MYO3A: variants seen among roughly 807,000 people sequenced by gnomAD.
The protein encoded by MYO3A is myosin-IIIa.
A neutral mutation model predicts 192.7 loss-of-function variants in MYO3A; 180 were observed. The observed-to-expected ratio is 0.93, with a 90% CI of 0.83 to 1.06. The LOEUF (loss-of-function observed/expected upper bound fraction) is 1.06. MYO3A is among the 50% of genes least tolerant of loss of function. The pLI is 0.00. For synonymous variants in MYO3A, 628 were observed against 645.3 expected, an observed-to-expected ratio of 0.97 and a Z score of 0.41; for missense variants, 1,896 against 1,905.0, an observed-to-expected ratio of 1.00 and a Z score of 0.09.
intron 34 of MYO3A, among the ~76,000 whole-genome samples, chr10:26,207,740 T>C (rs1239439697): frequency 1.5e-3 from 1 of 662 alleles, no homozygotes; most frequent in Non-Finnish European, 2.7e-3. Flanking sequence ...TTGCTCAAGA[T>C]AGCTTTGACT....
chr10:25,944,429 G>A (rs1279534874), intron 2 of MYO3A, among the ~76,000 whole-genome samples: 1 of 151,964 alleles, frequency 6.6e-6, no homozygotes, highest in Non-Finnish European at 1.5e-5. Flanking sequence ...GTTAGGAAGT[G>A]TGCCCTCTTT....
At chr10:26,034,816 G>A (rs922625585) in intron 10 of MYO3A, among the ~76,000 whole-genome samples, 3 of 151,562 alleles carry the variant, frequency 2.0e-5, no homozygotes, top group Non-Finnish European at 2.9e-5. Flanking sequence ...ACGGGCTAGT[G>A]TCTGGATATT....
Position 26,211,890 on chromosome 10 carries a change from C to T in MYO3A, c.4778C>T (p.Ala1593Val), listed in dbSNP as rs754851230. Residue 1593 changes from alanine to valine, a missense_variant, in exon 35 of 35, where the codon GCA (alanine) becomes GTA (valine). Ala to Val is a moderately conservative substitution (Grantham distance 64). Coordinates refer to ENST00000642920, the MANE Select transcript of MYO3A (RefSeq NM_017433.5). ...SPEKEEEREP[A>V]ANPYDFRRLL... is the part of the protein sequence containing the mutation. ...GAGAAGGAGGAGGAGAGAGAGCCAGCAGCCAACCCCTACGACTTCAGGAGG... is the reference window on the plus strand; with the variant it reads ...GAGAAGGAGGAGGAGAGAGAGCCAGTAGCCAACCCCTACGACTTCAGGAGG... The T allele has an allele frequency of 2.5e-6, 4 of 1,614,102 alleles. No homozygotes were observed. The highest frequency in any genetic ancestry group is 1.1e-5 in the South Asian group (1 of 91,028).
chr10:25,977,355 A>C (rs1839021935), intron 4 of MYO3A, among the ~76,000 whole-genome samples: 1 of 152,204 alleles, frequency 6.6e-6, no homozygotes, highest in African/African-American at 2.4e-5. Context: ...ACAGAGAAAT[A>C]AATTCCTTGT....
rs760646949 is a variant in MYO3A at position 26,070,343 on chromosome 10, G to T, written c.1301G>T (p.Gly434Val). ...DQCIVISGES[G>V]AGKTENAHLL... ...TGCATTGTTATTTCTGGAGAAAGTG[G>T]TGCTGGAAAGACTGAAAATGCTCAT... is the stretch of plus-strand genomic sequence containing the variant. Residue 434 changes from glycine (G) to valine (V), a missense_variant, in exon 14 of 35, where the codon GGT (glycine) becomes GTT (valine). By Grantham distance (109) the Gly-to-Val change is moderately radical (BLOSUM62 -3). Coordinates refer to ENST00000642920, the MANE Select transcript of MYO3A (RefSeq NM_017433.5). The T allele has an allele frequency of 1.2e-6, 2 of 1,613,312 alleles. No homozygotes were observed. The highest frequency in any genetic ancestry group is 4.5e-5 in the East Asian group (2 of 44,792).
At chr10:26,163,695 AG>A (rs1294067299) in intron 26 of MYO3A, among the ~76,000 whole-genome samples, 3 of 152,188 alleles carry the variant, frequency 2.0e-5, no homozygotes, top group South Asian at 2.1e-4. Context: ...AAAGTTAACC[AG>A]GTGGGCATGT....
chr10:26,023,024 C>G (rs561016620), intron 8 of MYO3A: 1 of 152,214 alleles, frequency 6.6e-6, no homozygotes, highest in African/African-American at 2.4e-5. Context: ...TCAAAGCAAG[C>G]CAATAAATCT....
At chr10:26,191,671 G>A (rs1843134753) in intron 31 of MYO3A, among the ~76,000 whole-genome samples, 1 of 152,190 alleles carries the variant, frequency 6.6e-6, no homozygotes, top group Admixed American at 6.5e-5. Flanking sequence ...GCTGGATAAT[G>A]TCAGAATATG....
Position 26,081,196 on chromosome 10 carries a change from C to G in MYO3A, c.1360-7007C>G, listed in dbSNP as rs1218078966. ...AAGGACCGTCAGGCGGGGGCAGGGC[C>G]AGGTGTGTCTGAGTTCAGACTCTCC... On this transcript the variant is annotated intron_variant, in intron 14 of 34. Coordinates refer to ENST00000642920, the MANE Select transcript of MYO3A (RefSeq NM_017433.5). 2.8e-5 allele frequency among the ~76,000 whole-genome samples: 4 copies of G among 141,366 alleles called. No individual in the cohort carries two copies. In the Admixed American group the frequency reaches 3.0e-4, roughly 10 times the overall value. 92.7% of individuals were successfully genotyped at this position (141,366 alleles called of 152,430 possible).
intron 15 of MYO3A, among the ~76,000 whole-genome samples, chr10:26,090,601 C>T (rs1296434860): frequency 6.6e-6 from 1 of 151,998 alleles, no homozygotes; most frequent in African/African-American, 2.4e-5. Context: ...TTTCTTTCAC[C>T]TAATTTAATT....
intron 2 of MYO3A, among the ~76,000 whole-genome samples, chr10:25,943,023 C>T (rs1012512513): frequency 6.6e-6 from 1 of 151,632 alleles, no homozygotes; most frequent in Non-Finnish European, 1.5e-5. Flanking sequence ...ATTGCCAAAT[C>T]CATTTTCATG....
intron 14 of MYO3A, among the ~76,000 whole-genome samples, chr10:26,084,805 C>T (rs557012046): frequency 6.6e-6 from 1 of 152,230 alleles, no homozygotes; most frequent in Non-Finnish European, 1.5e-5. Flanking sequence ...TATGCCTGGC[C>T]TAGCTCTACT....
chr10:26,119,995 A>T (rs1838755821), intron 17 of MYO3A, among the ~76,000 whole-genome samples: 1 of 130,862 alleles, frequency 7.6e-6, no homozygotes, highest in Non-Finnish European at 1.7e-5. Flanking sequence ...GTCTCTATAA[A>T]ATACCAAAAA....
At chr10:26,031,763 G>A (rs1004716669) in intron 10 of MYO3A, among the ~76,000 whole-genome samples, 5 of 152,212 alleles carry the variant, frequency 3.3e-5, no homozygotes, top group Non-Finnish European at 7.3e-5. Context: ...CTCCTGAGTA[G>A]CTGAGCTTAC....
intron 27 of MYO3A, among the ~76,000 whole-genome samples, 166 bp from the exon 28 acceptor site, chr10:26,168,546 G>A (rs1841878944): frequency 6.6e-6 from 1 of 152,078 alleles, no homozygotes; most frequent in Non-Finnish European, 1.5e-5. Flanking sequence ...TTTTCTTCAA[G>A]CATAAAAATC....
intron 17 of MYO3A, among the ~76,000 whole-genome samples, chr10:26,110,023 G>A (rs1193080528): frequency 6.6e-6 from 1 of 152,150 alleles, no homozygotes; most frequent in Non-Finnish European, 1.5e-5. Flanking sequence ...CAACAAGAAA[G>A]TTGTACTCTA....
chr10:26,018,656 T>G (rs184342925), intron 7 of MYO3A, among the ~76,000 whole-genome samples: 1 of 152,306 alleles, frequency 6.6e-6, no homozygotes, highest in African/African-American at 2.4e-5. Flanking sequence ...AATTAGCGAC[T>G]GTAGTAGGTG....
At chr10:26,087,538 C>T (rs1836412060) in intron 14 of MYO3A, among the ~76,000 whole-genome samples, 1 of 152,140 alleles carries the variant, frequency 6.6e-6, no homozygotes, top group African/African-American at 2.4e-5. Flanking sequence ...GTTGGAATGC[C>T]TTTGTAAAAG....
intron 10 of MYO3A, 34 bp from the exon 11 acceptor site, chr10:26,066,940 TC>T: frequency 2.1e-6 from 3 of 1,453,628 alleles, no homozygotes; most frequent in Non-Finnish European, 2.9e-6. Context: ...TGAGCAGTAA[TC>T]AATTCTTAAA....
Sources: gnomAD v4.1 joint callset for allele counts (sites outside exome capture counted in the v4.1 genomes callset) on GRCh38, gnomAD v4.1.1 for gene constraint, MANE v1.5 for transcripts, NCBI Gene and HGNC (gene_info 2026-07-23, HGNC 2026-07-21) for gene names.